The following ESRRG variants were observed in gnomAD, a reference collection of about 807,000 sequenced individuals.
ESRRG encodes the protein estrogen related receptor gamma, also known as estrogen-related receptor gamma.
In ESRRG, 13 loss-of-function variants were observed where a neutral mutation model predicts 44.0. That is an observed-to-expected ratio of 0.30 (90% confidence interval 0.19 to 0.47). ESRRG has a LOEUF of 0.47. ESRRG is among the 20% of genes least tolerant of loss of function. ESRRG has a pLI of 1.00. For missense variants in ESRRG, 395 were observed against 580.6 expected (o/e 0.68, Z 3.29); for synonymous variants, 215 against 214.6 (o/e 1.00, Z -0.02).
chr1:216,636,654 T>A (rs935470230), intron 3 of ESRRG, among the ~76,000 whole-genome samples: 2 of 152,218 alleles, frequency 1.3e-5, no homozygotes, highest in Admixed American at 6.5e-5. Context: ...CAAGTTAGAT[T>A]CTAGAACTGC....
chr1:216,664,624 A>G (rs2073403508), intron 2 of ESRRG, among the ~76,000 whole-genome samples: 1 of 150,522 alleles, frequency 6.6e-6, no homozygotes. Context: ...TAAATTTGGC[A>G]TATCTATAAA....
At chr1:216,539,150 G>T (rs1188927767) in intron 5 of ESRRG, among the ~76,000 whole-genome samples, 2 of 151,872 alleles carry the variant, frequency 1.3e-5, no homozygotes, top group South Asian at 2.1e-4. Flanking sequence ...ATCTTTGGAG[G>T]GATTGCTCCT....
chr1:216,757,356 C>G (rs1576213354), intron 2 of ESRRG, among the ~76,000 whole-genome samples: 2 of 152,120 alleles, frequency 1.3e-5, no homozygotes, highest in East Asian at 3.9e-4. Flanking sequence ...AAGTGTAAAA[C>G]TGCTGTGAAA....
intron 1 of ESRRG, among the ~76,000 whole-genome samples, chr1:217,134,159 G>A (rs771150152): frequency 1.5e-4 from 23 of 152,148 alleles, no homozygotes; most frequent in Non-Finnish European, 2.9e-4. Flanking sequence ...AACTGGGGAT[G>A]CGAGCTGGGA....
chr1:216,506,938 G>T lies in ESRRG; in HGVS notation c.*1C>A. 1 of 1,613,116 alleles carries T rather than the reference G, an allele frequency of 6.2e-7. No individual in the cohort carries two copies. Among genetic ancestry groups the T allele is most frequent in the Non-Finnish European group, 8.5e-7 (1 of 1,179,456 alleles). ...GATGGGAAGGCCCAGGGAGCTTTTAGTCAGACCTTGGCCTCCAACATTTCC... is the reference window on the plus strand; with the variant it reads ...GATGGGAAGGCCCAGGGAGCTTTTATTCAGACCTTGGCCTCCAACATTTCC... On this transcript the variant is annotated 3_prime_UTR_variant, in exon 7 of 7. Coordinates refer to ENST00000408911, the MANE Select transcript of ESRRG (RefSeq NM_001438.4).
At chr1:216,608,455 A>C (rs1025125923) in intron 3 of ESRRG, among the ~76,000 whole-genome samples, 11 of 152,172 alleles carry the variant, frequency 7.2e-5, no homozygotes, top group Admixed American at 2.0e-4. Flanking sequence ...AAGGAGGGAG[A>C]TACTTCTAGA....
rs141092501 is a variant in ESRRG at position 217,009,397 on chromosome 1, A to C, written c.-105-69724T>G. Among the ~76,000 whole-genome samples the C allele has an allele frequency of 8.8e-4, 134 of 152,286 alleles. 1 individual carries two copies. In the East Asian group the frequency reaches 0.016, roughly 18 times the overall value. ...ATCAGATCACTGGCTTTGAGGCTTA[A>C]AGCTCTCAATTCCAAAAGACACAGA... On this transcript the variant is annotated intron_variant, in intron 1 of 7. Transcript: ENST00000359162.
At chr1:216,747,916 C>G (rs559525336) in intron 2 of ESRRG, among the ~76,000 whole-genome samples, 2 of 152,278 alleles carry the variant, frequency 1.3e-5, no homozygotes, top group Admixed American at 6.5e-5. Context: ...CTTATTCTAT[C>G]AACTCCATTT....
chr1:216,919,711 T>C (rs2061596385), intron 2 of ESRRG, among the ~76,000 whole-genome samples: 1 of 152,186 alleles, frequency 6.6e-6, no homozygotes, highest in Non-Finnish European at 1.5e-5. Flanking sequence ...AGGAGAAATA[T>C]CATGTTTCCA....
chr1:216,589,835 C>T (rs951228326), intron 3 of ESRRG, among the ~76,000 whole-genome samples: 16 of 121,266 alleles, frequency 1.3e-4, no homozygotes, highest in Non-Finnish European at 2.2e-4. Flanking sequence ...ACCTGGGAGG[C>T]GGAGGTTGCA....
intron 1 of ESRRG, among the ~76,000 whole-genome samples, chr1:217,034,203 T>C (rs2082487542): frequency 6.6e-6 from 1 of 152,178 alleles, no homozygotes; most frequent in Admixed American, 6.5e-5. Flanking sequence ...AAAATAATAA[T>C]GTCTATGAGA....
chr1:216,864,150 G>A (rs1419759921), intron 2 of ESRRG: 2 of 152,000 alleles, frequency 1.3e-5, no homozygotes, highest in African/African-American at 2.4e-5. Context: ...ACATTTGGGG[G>A]GTTGTTAATG....
chr1:216,770,075 AAGAT>A, intron 2 of ESRRG, among the ~76,000 whole-genome samples: 1 of 152,194 alleles, frequency 6.6e-6, no homozygotes, highest in Non-Finnish European at 1.5e-5. Flanking sequence ...AAGTGGGTGA[AAGAT>A]AGATAGAAAA....
At chr1:216,604,136 CA>C (rs1157498047) in intron 3 of ESRRG, among the ~76,000 whole-genome samples, 2 of 152,114 alleles carry the variant, frequency 1.3e-5, no homozygotes, top group Non-Finnish European at 2.9e-5. Flanking sequence ...GGCACTTCAA[CA>C]GGGAGAATTC....
chr1:216,528,689 A>T (rs1295790375), intron 5 of ESRRG, among the ~76,000 whole-genome samples: 1 of 152,128 alleles, frequency 6.6e-6, no homozygotes, highest in Admixed American at 6.6e-5. Context: ...AAGTGTAAGA[A>T]GGAGCTTCTC....
At chr1:216,903,456 TGTC>T (rs1363265331) in intron 2 of ESRRG, among the ~76,000 whole-genome samples, 2 of 134,400 alleles carry the variant, frequency 1.5e-5, no homozygotes, top group African/African-American at 2.7e-5. Flanking sequence ...TGTGTGTGTG[TGTC>T]GGGGGACTAT....
intron 1 of ESRRG, among the ~76,000 whole-genome samples, chr1:217,017,724 T>A (rs1365513698): frequency 1.3e-4 from 19 of 151,990 alleles, no homozygotes; most frequent in Admixed American, 1.2e-3. Flanking sequence ...GGAAAAAAAA[T>A]TAATTAAAAT....
intron 3 of ESRRG, among the ~76,000 whole-genome samples, chr1:216,639,155 G>T (rs1159232372): frequency 6.6e-6 from 1 of 152,122 alleles, no homozygotes; most frequent in Non-Finnish European, 1.5e-5. Context: ...GTAGGGAGGG[G>T]ACCATTATAG....
At chr1:216,528,530 T>C (rs898427308) in intron 5 of ESRRG, among the ~76,000 whole-genome samples, 2 of 152,206 alleles carry the variant, frequency 1.3e-5, no homozygotes, top group Non-Finnish European at 2.9e-5. Context: ...TTATGTTCTG[T>C]AGCTTGCATT....
Sources: gnomAD v4.1 joint callset for allele counts (sites outside exome capture counted in the v4.1 genomes callset) on GRCh38, gnomAD v4.1.1 for gene constraint, MANE v1.5 for transcripts, NCBI Gene and HGNC (gene_info 2026-07-23, HGNC 2026-07-21) for gene names.